ERAP1: variants seen among roughly 807,000 people sequenced by gnomAD.
ERAP1 encodes adipocyte-derived leucine aminopeptidase.
A neutral mutation model predicts 103.7 loss-of-function variants in ERAP1; 86 were observed. The observed-to-expected ratio is 0.83, with a 90% CI of 0.70 to 0.99. ERAP1 has a LOEUF of 0.99. Ranked by LOEUF, ERAP1 falls within the 50% of genes least tolerant of loss-of-function variation. ERAP1 has a pLI of 0.00. For synonymous variants in ERAP1, 398 were observed against 402.4 expected, an observed-to-expected ratio of 0.99 and a Z score of 0.13; for missense variants, 1,009 against 1,128.4, an observed-to-expected ratio of 0.89 and a Z score of 1.52.
the ERAP1 span, chr5:96,909,179 C>A: frequency 1.9e-6 from 3 of 1,543,288 alleles, no homozygotes; most frequent in Non-Finnish European, 1.8e-6. Flanking sequence ...ATCAGTCAGG[C>A]TCAGTTTGTT....
the ERAP1 span, chr5:96,912,696 G>A: frequency 2.5e-6 from 4 of 1,609,862 alleles, no homozygotes; most frequent in Non-Finnish European, 3.4e-6. Context: ...ACAGCAGGAT[G>A]GAATTACCTT....
the ERAP1 span, among the ~76,000 whole-genome samples, chr5:96,826,067 C>A: frequency 3.9e-5 from 6 of 152,192 alleles, no homozygotes; most frequent in Non-Finnish European, 8.8e-5. Flanking sequence ...TCCTTCATTC[C>A]GCATCCCTGA....
At chr5:96,790,961 T>C (rs1435372036) in intron 8 of ERAP1, among the ~76,000 whole-genome samples, 1 of 152,176 alleles carries the variant, frequency 6.6e-6, no homozygotes, top group Non-Finnish European at 1.5e-5. Flanking sequence ...ATGGTGCAGA[T>C]TAAACATTGG....
the ERAP1 span, chr5:96,912,612 T>A: frequency 6.4e-7 from 1 of 1,569,600 alleles, no homozygotes; most frequent in African/African-American, 1.4e-5. Flanking sequence ...AAACTTTTTC[T>A]TCATTTTTAT....
chr5:96,907,204 AT>A, the ERAP1 span, among the ~76,000 whole-genome samples: 1 of 152,240 alleles, frequency 6.6e-6, no homozygotes, highest in Non-Finnish European at 1.5e-5. Flanking sequence ...CTAAACAAAC[AT>A]TCAGATAACA....
At chr5:96,823,011 TA>T in the ERAP1 span, 1 of 455,798 alleles carries the variant, frequency 2.2e-6, no homozygotes. Flanking sequence ...CACAAGGTTG[TA>T]GGACAGAGCA....
chr5:96,911,586 A>G, the ERAP1 span, among the ~76,000 whole-genome samples: 6,283 of 152,164 alleles, frequency 0.041, 256 homozygotes, highest in East Asian at 0.13. Flanking sequence ...GACAGGCCTC[A>G]GAAAATGCTC....
the ERAP1 span, among the ~76,000 whole-genome samples, chr5:96,856,106 G>A: frequency 1.2e-4 from 18 of 151,564 alleles, no homozygotes; most frequent in African/African-American, 4.4e-4. Context: ...AGATTATGAG[G>A]TCAGGACTTC....
At chr5:96,867,493 T>A in the ERAP1 span, among the ~76,000 whole-genome samples, 1 of 152,180 alleles carries the variant, frequency 6.6e-6, no homozygotes, top group Non-Finnish European at 1.5e-5. Flanking sequence ...GTGGAATTCT[T>A]GAAGGGTGGC....
chr5:96,923,693 C>CA, the ERAP1 span, among the ~76,000 whole-genome samples: 1,937 of 73,362 alleles, frequency 0.026, 25 homozygotes, highest in East Asian at 0.11. Flanking sequence ...GACTCTGTCT[C>CA]AAAAAAAAAA....
chr5:96,894,067 GTATT>G, the ERAP1 span, among the ~76,000 whole-genome samples: 16 of 152,266 alleles, frequency 1.1e-4, no homozygotes, highest in Non-Finnish European at 2.2e-4. Flanking sequence ...CTGCTTTACT[GTATT>G]TATTTGTCTA....
the ERAP1 span, among the ~76,000 whole-genome samples, chr5:96,856,318 C>CAAAAAAA: frequency 8.2e-5 from 1 of 12,166 alleles, no homozygotes; most frequent in Non-Finnish European, 1.6e-4. Flanking sequence ...GACTCCGTCT[C>CAAAAAAA]AAAAAAAAAA....
the ERAP1 span, among the ~76,000 whole-genome samples, chr5:96,904,817 G>A: frequency 6.6e-6 from 1 of 152,140 alleles, no homozygotes; most frequent in African/African-American, 2.4e-5. Flanking sequence ...AAATTTAGTA[G>A]GAGGAAATTT....
the ERAP1 span, among the ~76,000 whole-genome samples, chr5:96,911,866 CAAA>C: frequency 5.3e-5 from 3 of 56,656 alleles, no homozygotes; most frequent in African/African-American, 1.3e-4. Flanking sequence ...GACCCTGTCT[CAAA>C]AAAAAAAAAA....
At chr5:96,823,646 C>T in the ERAP1 span, among the ~76,000 whole-genome samples, 31 of 152,116 alleles carry the variant, frequency 2.0e-4, no homozygotes, top group Non-Finnish European at 3.8e-4. Flanking sequence ...ATTCCAAGAC[C>T]CCCAATGGTT....
chr5:96,928,458 A>G, the ERAP1 span, among the ~76,000 whole-genome samples: 8 of 152,242 alleles, frequency 5.3e-5, no homozygotes, highest in Non-Finnish European at 8.8e-5. Context: ...GTTTGGACAC[A>G]GGTATGCACA....
the ERAP1 span, among the ~76,000 whole-genome samples, chr5:96,851,077 A>AT: frequency 6.6e-6 from 1 of 152,146 alleles, no homozygotes; most frequent in Non-Finnish European, 1.5e-5. Flanking sequence ...GAATATGTAA[A>AT]TAGTATCCAT....
chr5:96,862,005 AG>A, the ERAP1 span, among the ~76,000 whole-genome samples: 12 of 152,138 alleles, frequency 7.9e-5, no homozygotes, highest in African/African-American at 2.9e-4. Context: ...AATCAAGACA[AG>A]GTCTTGCTCT....
chr5:96,861,768 A>T, the ERAP1 span, among the ~76,000 whole-genome samples: 2 of 152,342 alleles, frequency 1.3e-5, no homozygotes, highest in African/African-American at 4.8e-5. Flanking sequence ...TACATGGCCC[A>T]GCATTTGAAC....
Sources: allele counts gnomAD v4.1 joint callset (sites outside exome capture counted in the v4.1 genomes callset), GRCh38; gene constraint gnomAD v4.1.1; transcripts MANE v1.5; gene names NCBI Gene and HGNC (gene_info 2026-07-23, HGNC 2026-07-21).